CERS5: variants seen among roughly 807,000 people sequenced by gnomAD.
The protein encoded by CERS5 is LAG1 homolog, ceramide synthase 5.
In CERS5, 37 loss-of-function variants were observed where a neutral mutation model predicts 58.9. That is an observed-to-expected ratio of 0.63 (90% confidence interval 0.48 to 0.83). The LOEUF (loss-of-function observed/expected upper bound fraction) is 0.83. Among genes scored for constraint, CERS5 ranks in the 40% least tolerant of loss-of-function variants. CERS5 has a pLI of 0.00. For synonymous variants in CERS5, 147 were observed against 177.8 expected (o/e 0.83, Z 1.38); for missense variants, 398 against 489.3 (o/e 0.81, Z 1.76).
At chr12:50,158,638 T>G (rs1938925409) in intron 1 of CERS5, among the ~76,000 whole-genome samples, 1 of 152,162 alleles carries the variant, frequency 6.6e-6, no homozygotes. Flanking sequence ...GTTTGGTGTT[T>G]ATCAAGTGTA....
At chr12:50,140,005 G>T (rs12819883) in intron 4 of CERS5, among the ~76,000 whole-genome samples, 51,451 of 151,676 alleles carry the variant, frequency 0.34, 8,972 homozygotes, top group South Asian at 0.4. Flanking sequence ...GTACAGGGGT[G>T]AGCCACCACG....
Position 50,167,189 on chromosome 12 carries a change from C to T in CERS5, c.109G>A (p.Asp37Asn). ...CGGCCGCGGGGGTAACCGTAGCCGT[C>T]GGCCGGCCCCTCCAGATCAGCCCAG... ...VSWADLEGPA[D>N]GYGYPRGRHI... The change falls in exon 1 of 10, where the codon GAC becomes AAC. Residue 37 changes from aspartate to asparagine, a missense_variant. Asp to Asn is a conservative substitution (Grantham distance 23, BLOSUM62 1). Around this residue, in one of 3 missense-constraint regions of CERS5, gnomAD observed 328 missense variants for 384.5 expected, o/e 0.85. Transcript: ENST00000317551. 5 of 1,604,904 alleles carry T rather than the reference C, an allele frequency of 3.1e-6. No homozygotes were observed. Among genetic ancestry groups the T allele is most frequent in the Non-Finnish European group, 4.2e-6 (5 of 1,177,542 alleles).
At chr12:50,132,760 CA>C (rs940875631) in intron 9 of CERS5, among the ~76,000 whole-genome samples, 1 of 151,274 alleles carries the variant, frequency 6.6e-6, no homozygotes, top group East Asian at 1.9e-4. Context: ...TCAAGAAAAA[CA>C]AAAAAAAGTA....
At chr12:50,136,185 T>C in intron 6 of CERS5, 116 bp from the exon 7 acceptor site, 2 of 990,468 alleles carry the variant, frequency 2.0e-6, no homozygotes, top group Non-Finnish European at 1.4e-6. Flanking sequence ...TAGAATAGTT[T>C]CCATTGGCCG....
chr12:50,148,944 A>ATGTG (rs1324420580), intron 1 of CERS5, among the ~76,000 whole-genome samples: 60 of 121,228 alleles, frequency 4.9e-4, no homozygotes, highest in African/African-American at 1.9e-3. Flanking sequence ...ATATATATAT[A>ATGTG]TATGTGTGTG....
rs55762917 is a variant in CERS5, at chr12:50,156,420, C to CTA, written c.197+10679_197+10680dup. Among the ~76,000 whole-genome samples, 219 of 77,302 alleles carry CTA rather than the reference C, an allele frequency of 2.8e-3. 32 individuals carry two copies. Among genetic ancestry groups the CTA allele is most frequent in the East Asian group, 4.5e-3 (17 of 3,740 alleles). The allele number at this position is 77,302 out of a possible 152,430, so 50.7% of individuals were successfully genotyped here. On this transcript the variant is annotated intron_variant, in intron 1 of 9. Coordinates refer to ENST00000317551, the MANE Select transcript of CERS5 (RefSeq NM_147190.5). ...CTCTGTCTCAAAACAAACAAACAAA[C>CTA]TATATATATATATATATAAAACAAT...
At chr12:50,135,308 A>AGTGTGTGTGTGTGTGTGTGT (rs56858635) in intron 8 of CERS5, 11 of 168,928 alleles carry the variant, frequency 6.5e-5, no homozygotes, top group African/African-American at 3.2e-4. Context: ...GAGAGAGAGG[A>AGTGTGTGTGTGTGTGTGTGT]GTGTGTGTGT....
chr12:50,132,952 A>G (rs1232295104), intron 9 of CERS5: 3 of 1,289,046 alleles, frequency 2.3e-6, no homozygotes, highest in South Asian at 1.2e-5. Flanking sequence ...AGAAGCACAG[A>G]TACACTTACA....
Position 50,130,755 on chromosome 12 carries a change from A to G in CERS5, c.1030-61T>C, listed in dbSNP as rs552585156. The G allele has an allele frequency of 2.7e-6, 4 of 1,473,580 alleles. No homozygotes were observed. The Admixed American group carries it at 5.7e-5, about 21-fold the overall frequency. The allele number at this position is 1,473,580 out of a possible 1,614,324, so 91.3% of individuals were successfully genotyped here. The stretch of plus-strand genomic sequence containing the variant: ...AAAGAACTGTAAGACACCTAAGCTC[A>G]GAGACCCAGGTGTGGGCACTGTGTT... On this transcript the variant is annotated intron_variant, in intron 9 of 9. Coordinates refer to ENST00000317551, the MANE Select transcript of CERS5 (RefSeq NM_147190.5).
chr12:50,154,855 A>G (rs1306708958), intron 1 of CERS5, among the ~76,000 whole-genome samples: 1 of 151,852 alleles, frequency 6.6e-6, no homozygotes, highest in Non-Finnish European at 1.5e-5. Context: ...TGAATTAATA[A>G]GCATTTCTTA....
At chr12:50,144,088 T>G in intron 1 of CERS5, 31 bp from the exon 2 acceptor site, 1 of 1,324,226 alleles carries the variant, frequency 7.6e-7, no homozygotes, top group Non-Finnish European at 1.1e-6. Context: ...GGGCCAATTC[T>G]TTTTAAAAAA....
At chr12:50,141,578 A>G (rs1277317319) in intron 4 of CERS5, among the ~76,000 whole-genome samples, 1 of 152,160 alleles carries the variant, frequency 6.6e-6, no homozygotes, top group African/African-American at 2.4e-5. Context: ...GACAGAAGAC[A>G]ATCTATTAGG....
intron 1 of CERS5, among the ~76,000 whole-genome samples, chr12:50,146,537 T>C (rs931071884): frequency 8.5e-5 from 13 of 152,182 alleles, no homozygotes; most frequent in Non-Finnish European, 1.6e-4. Context: ...GCTACTCATA[T>C]CCAGTCAGTT....
At chr12:50,142,548 CAA>C (rs55654212) in intron 3 of CERS5, among the ~76,000 whole-genome samples, 10 of 86,776 alleles carry the variant, frequency 1.2e-4, no homozygotes, top group African/African-American at 2.1e-4. Flanking sequence ...GACTCCGTCT[CAA>C]AAAAAAAAAA....
chr12:50,133,603 G>C, intron 9 of CERS5: 1 of 985,116 alleles, frequency 1.0e-6, no homozygotes. Flanking sequence ...CTTTGAAAAG[G>C]GCCCCATGTC....
intron 1 of CERS5, among the ~76,000 whole-genome samples, chr12:50,159,117 A>C (rs975307501): frequency 9.5e-4 from 144 of 152,212 alleles, no homozygotes; most frequent in Non-Finnish European, 1.7e-3. Flanking sequence ...GTCAGGAGAT[A>C]GAGACCATCC....
At chr12:50,141,882 G>A (rs1592363867) in intron 4 of CERS5, among the ~76,000 whole-genome samples, 171 bp downstream of exon 4, 1 of 146,964 alleles carries the variant, frequency 6.8e-6, no homozygotes, top group Non-Finnish European at 1.5e-5. Flanking sequence ...GAGGTTGCAA[G>A]TGAGCTGAGA....
chr12:50,138,475 G>T (rs538712530), intron 5 of CERS5, 92 bp downstream of exon 5: 2 of 1,019,360 alleles, frequency 2.0e-6, no homozygotes, highest in Non-Finnish European at 3.1e-6. Context: ...CCAAGGAAAC[G>T]CACCATCTGT....
chr12:50,150,022 G>A (rs1251288113), intron 1 of CERS5, among the ~76,000 whole-genome samples: 1 of 152,196 alleles, frequency 6.6e-6, no homozygotes, highest in South Asian at 2.1e-4. Flanking sequence ...GATTACAGGC[G>A]TGAGCCAGCA....
Sources: gnomAD v4.1 joint callset for allele counts (sites outside exome capture counted in the v4.1 genomes callset) on GRCh38, gnomAD v4.1.1 for gene constraint, gnomAD v4.1.1 regional missense constraint, MANE v1.5 for transcripts, NCBI Gene and HGNC (gene_info 2026-07-23, HGNC 2026-07-21) for gene names.